STRA6: variants seen among roughly 807,000 people sequenced by gnomAD.
The protein encoded by STRA6 is receptor for retinol uptake STRA6.
In STRA6, 48 loss-of-function variants were observed where a neutral mutation model predicts 83.6. The observed-to-expected ratio is 0.57, with a 90% CI of 0.46 to 0.73. The LOEUF is 0.73. Ranked by LOEUF, STRA6 falls within the 30% of genes least tolerant of loss-of-function variation. STRA6 has a pLI of 0.00. For missense variants in STRA6, 760 were observed against 838.8 expected (o/e 0.91, Z 1.16); for synonymous variants, 353 against 362.3 (o/e 0.97, Z 0.29).
chr15:74,183,771 G>A lies in STRA6; in HGVS notation c.1300+85C>T, dbSNP rs1310732289. 3.7e-6 allele frequency: 6 copies of A among 1,608,430 alleles called. No individual in the cohort carries two copies. In the African/African-American group the frequency reaches 6.7e-5, roughly 18 times the overall value. On this transcript the variant is annotated intron_variant, in intron 14 of 18. Coordinates refer to ENST00000395105, the MANE Select transcript of STRA6 (RefSeq NM_022369.4). ...CAGACAAACTCTGAGGGCAGTACTT[G>A]CTGAGCACTCTTCTCCCCAACTGAG...
At chr15:74,200,628 G>A (rs2074015931) in intron 2 of STRA6, among the ~76,000 whole-genome samples, 1 of 152,206 alleles carries the variant, frequency 6.6e-6, no homozygotes, top group Admixed American at 6.5e-5. Context: ...TCATTTCCTT[G>A]GGATTCCCCT....
At position 74,179,950 on chromosome 15, in the gene STRA6, C is replaced by G; in HGVS notation, c.*130G>C. The G allele has an allele frequency of 7.8e-7, 1 of 1,289,596 alleles. No homozygotes were observed. The allele number at this position is 1,289,596 out of a possible 1,614,324, so 79.9% of individuals were successfully genotyped here. ...CAGTGCAGACAGACCTCCACCCAAC[C>G]ACAGTGATCCGGAGGACCTGCTGGC... On this transcript the variant is annotated 3_prime_UTR_variant, in exon 19 of 19. Coordinates refer to ENST00000395105, the MANE Select transcript of STRA6 (RefSeq NM_022369.4).
intron 1 of STRA6, among the ~76,000 whole-genome samples, chr15:74,208,207 A>T (rs573007486): frequency 6.6e-6 from 1 of 152,206 alleles, no homozygotes; most frequent in Admixed American, 6.5e-5. Context: ...TCAGCTCAGA[A>T]CAAAGGTAGC....
upstream of STRA6, among the ~76,000 whole-genome samples, chr15:74,204,779 C>CA (rs1427024406): frequency 6.6e-6 from 1 of 152,008 alleles, no homozygotes; most frequent in African/African-American, 2.4e-5. Flanking sequence ...ACTAAAAATA[C>CA]AAAAAATTAG....
chr15:74,191,557 C>A, intron 8 of STRA6, 66 bp from the exon 9 acceptor site: 2 of 1,407,650 alleles, frequency 1.4e-6, no homozygotes. Flanking sequence ...GTCCCTGGCT[C>A]AGGGAACTAG....
At chr15:74,211,593 G>A (rs2074369621), upstream of STRA6, among the ~76,000 whole-genome samples, 1 of 151,950 alleles carries the variant, frequency 6.6e-6, no homozygotes, top group Non-Finnish European at 1.5e-5. Context: ...TAGTAGAGAT[G>A]AGGTTTCTCC....
At chr15:74,180,726 C>G in intron 18 of STRA6, 56 bp downstream of exon 18, 1 of 1,555,648 alleles carries the variant, frequency 6.4e-7, no homozygotes, top group Non-Finnish European at 8.7e-7. Context: ...GGCACACATC[C>G]TTCCTAGAAG....
chr15:74,189,342 G>T, intron 11 of STRA6, 65 bp from the exon 12 acceptor site: 2 of 1,545,580 alleles, frequency 1.3e-6, no homozygotes, highest in African/African-American at 1.4e-5. Flanking sequence ...CAGGGGAGAC[G>T]CTGGGGAAGA....
At chr15:74,191,013 C>G (rs907742701) in intron 10 of STRA6, 112 bp from the exon 11 acceptor site, 2 of 1,576,530 alleles carry the variant, frequency 1.3e-6, no homozygotes, top group Non-Finnish European at 8.6e-7. Flanking sequence ...ATGACCAAGG[C>G]CAGGCCAGGG....
At chr15:74,211,943 C>G (rs2074372599), upstream of STRA6, among the ~76,000 whole-genome samples, 1 of 152,128 alleles carries the variant, frequency 6.6e-6, no homozygotes, top group Non-Finnish European at 1.5e-5. Context: ...GTTTCTCTCT[C>G]CTGCTCTTTG....
chr15:74,197,320 C>T lies in STRA6; in HGVS notation c.266+18G>A, dbSNP rs992221317. The stretch of plus-strand genomic sequence containing the variant: ...AGCTGGGTCCCCTGAGTGGGGGTGC[C>T]CAGGCCATGGTACAAACCTGGGCAG... On this transcript the variant is annotated intron_variant, in intron 4 of 18. Transcript: ENST00000395105. 4 of 1,546,964 alleles carry T rather than the reference C, an allele frequency of 2.6e-6. No homozygotes were observed. In the Admixed American group the frequency reaches 7.8e-5, roughly 30 times the overall value.
intron 2 of STRA6, among the ~76,000 whole-genome samples, chr15:74,199,413 A>C (rs2073960268): frequency 9.2e-6 from 1 of 108,306 alleles, no homozygotes; most frequent in Admixed American, 8.0e-5. Flanking sequence ...AGCCACACTG[A>C]CTCCAGTGTC....
upstream of STRA6, chr15:74,202,944 C>A (rs2074152578): frequency 1.0e-6 from 1 of 988,364 alleles, no homozygotes; most frequent in Non-Finnish European, 1.2e-6. Context: ...GCGGCCTGAG[C>A]CCTGCAAGGG....
At chr15:74,195,270 CT>C (rs1003541819) in intron 7 of STRA6, 31 bp downstream of exon 7, 10 of 1,608,698 alleles carry the variant, frequency 6.2e-6, no homozygotes, top group Non-Finnish European at 8.5e-6. Context: ...CTGTGCGCCC[CT>C]CTGCCCTAGG....
intron 11 of STRA6, among the ~76,000 whole-genome samples, chr15:74,190,216 G>C (rs1365109008): frequency 6.6e-6 from 1 of 152,096 alleles, no homozygotes; most frequent in African/African-American, 2.4e-5. Flanking sequence ...TAAAATTTCT[G>C]GTTTTTCTAT....
In STRA6 at chr15:74,180,819, G is replaced by C; in HGVS notation, c.1803C>G (p.Ala601=). ...AQSLLPRTMA[A]PQDSLRPGEE... Reference sequence around the variant, plus strand: ...CCCCTGGTCTGAGGCTGTCCTGGGGGGCTGCCATGGTCCTGGGTAGGAGGC... The same window carrying C: ...CCCCTGGTCTGAGGCTGTCCTGGGGCGCTGCCATGGTCCTGGGTAGGAGGC... The change falls in exon 18 of 19, where the codon GCC becomes GCG. Residue 601 remains alanine (A), a synonymous_variant. Transcript: ENST00000395105. 1 of 1,613,670 alleles carries C rather than the reference G, an allele frequency of 6.2e-7. No homozygotes were observed. The highest frequency in any genetic ancestry group is 8.5e-7 in the Non-Finnish European group (1 of 1,179,654).
At chr15:74,211,722 T>G (rs577419205), upstream of STRA6, among the ~76,000 whole-genome samples, 12 of 152,018 alleles carry the variant, frequency 7.9e-5, no homozygotes, top group Non-Finnish European at 1.8e-4. Context: ...TCTTTCTATC[T>G]GGTTGTCCTC....
At position 74,196,314 on chromosome 15, in the gene STRA6, C is replaced by A. The variant is rs147847661; in HGVS notation, c.267-167G>T. On this transcript the variant is annotated intron_variant, in intron 4 of 18. Coordinates refer to ENST00000395105, the MANE Select transcript of STRA6 (RefSeq NM_022369.4). ...TTCCATAGATATTTGTGGAGTGCCT[C>A]TTATCTACCAAGCTCTGGGCCCCGT... 3.3e-4 allele frequency: 371 copies of A among 1,126,720 alleles called. No individual in the cohort carries two copies. The African/African-American group carries it at 4.1e-3, about 13-fold the overall frequency. 69.8% of individuals were successfully genotyped at this position (1,126,720 alleles called of 1,614,324 possible). A position where few individuals can be genotyped will look rare whatever the true frequency, so the allele number is the denominator to read the frequency against.
rs535788674 is a variant in STRA6, at chr15:74,208,091, G to T, written c.-16+709C>A. The stretch of plus-strand genomic sequence containing the variant: ...ACCAGGCTGTTCTGGTATGAGGGTG[G>T]ACACTGGTGAGGAGGAGGAGGGTAG... On this transcript the variant is annotated intron_variant, in intron 1 of 18. Coordinates refer to the STRA6 transcript ENST00000323940. 4.4e-5 allele frequency: 53 copies of T among 1,194,352 alleles called. 2 individuals carry two copies. In the East Asian group the frequency reaches 2.2e-3, roughly 49 times the overall value. The allele number at this position is 1,194,352 out of a possible 1,614,324, so 74.0% of individuals were successfully genotyped here.
Sources: allele counts gnomAD v4.1 joint callset (sites outside exome capture counted in the v4.1 genomes callset), GRCh38; gene constraint gnomAD v4.1.1; transcripts MANE v1.5; gene names NCBI Gene and HGNC (gene_info 2026-07-23, HGNC 2026-07-21).